PARVB: variants seen among roughly 807,000 people sequenced by gnomAD.
PARVB encodes the protein parvin beta.
A neutral mutation model predicts 47.0 loss-of-function variants in PARVB; 46 were observed. That is an observed-to-expected ratio of 0.98 (90% CI 0.77 to 1.25). PARVB has a LOEUF of 1.25. Ranked by LOEUF, PARVB falls within the 50% of genes most tolerant of loss-of-function variation. The probability of loss-of-function intolerance (pLI) is 0.00; values close to 1 mark genes in which losing one functional copy is unlikely to be tolerated. For missense variants in PARVB, 473 were observed against 471.6 expected (o/e 1.00, Z -0.03); for synonymous variants, 196 against 196.3 (o/e 1.00, Z 0.01).
chr22:44,101,358 C>T (rs1460025278), intron 3 of PARVB, among the ~76,000 whole-genome samples: 6 of 151,052 alleles, frequency 4.0e-5, no homozygotes, highest in East Asian at 1.9e-4. Context: ...TGCAGTGAGC[C>T]GAGATCGCGC....
At chr22:44,122,477 C>A (rs1043373753) in intron 4 of PARVB, among the ~76,000 whole-genome samples, 1 of 132,908 alleles carries the variant, frequency 7.5e-6, no homozygotes, top group Non-Finnish European at 1.6e-5. Context: ...CAGAGTGAGA[C>A]CCTGTCGATC....
At position 44,125,558 on chromosome 22, in the gene PARVB, C is replaced by T. The variant is rs67317032; in HGVS notation, c.377-5929C>T. On this transcript the variant is annotated intron_variant, in intron 4 of 12. Transcript: ENST00000338758. The surrounding 1 kb of genome is among the most constrained non-coding windows in gnomAD (Gnocchi z 4.1). ...GTCTGCACAGTGAGCTTGGGAAGGG[C>T]GTTCTGGGCTGAGGCTCTAAAGCGA... Among the ~76,000 whole-genome samples the T allele has an allele frequency of 0.23, 35,466 of 152,026 alleles. 4,442 individuals carry two copies. The highest frequency in any genetic ancestry group is 0.41 in the East Asian group (2,116 of 5,150).
chr22:44,072,296 G>A (rs752446448), intron 1 of PARVB, among the ~76,000 whole-genome samples: 7 of 152,096 alleles, frequency 4.6e-5, no homozygotes, highest in Admixed American at 6.6e-5. Context: ...CTGAGTCCCC[G>A]AGTCTCTGTC....
intron 7 of PARVB, among the ~76,000 whole-genome samples, chr22:44,136,800 C>A (rs2053451071): frequency 6.6e-6 from 1 of 152,210 alleles, no homozygotes. Context: ...CAAAGTGGGG[C>A]AGGCAGAGAG....
chr22:44,072,103 A>G (rs2051667952), intron 1 of PARVB, among the ~76,000 whole-genome samples: 1 of 152,160 alleles, frequency 6.6e-6, no homozygotes, highest in Admixed American at 6.5e-5. Context: ...TTTGTAATTG[A>G]ACGGAGTCAG....
intron 3 of PARVB, among the ~76,000 whole-genome samples, chr22:44,118,806 T>A (rs2052972841): frequency 6.6e-6 from 1 of 151,864 alleles, no homozygotes; most frequent in Non-Finnish European, 1.5e-5. Flanking sequence ...TTGCTCTGGT[T>A]CTGGCGGCTG....
At chr22:44,144,896 A>T (rs920581355) in intron 8 of PARVB, 5 of 151,972 alleles carry the variant, frequency 3.3e-5, no homozygotes, top group African/African-American at 1.2e-4. Flanking sequence ...ATTCCTGCAG[A>T]TTGAGCTTGG....
chr22:44,098,921 C>T (rs186780066), intron 2 of PARVB, among the ~76,000 whole-genome samples: 6 of 152,224 alleles, frequency 3.9e-5, no homozygotes, highest in Admixed American at 1.3e-4. Context: ...GCAATCCTCC[C>T]GCCTCAGCCT....
Position 44,073,665 on chromosome 22 carries a change from C to G in PARVB, c.113-20263C>G, listed in dbSNP as rs934071193. Among the ~76,000 whole-genome samples, 18 of 152,166 alleles carry G rather than the reference C, an allele frequency of 1.2e-4. 1 individual carries two copies. In the South Asian group the frequency reaches 1.9e-3, roughly 16 times the overall value. On this transcript the variant is annotated intron_variant, in intron 1 of 12. Transcript: ENST00000338758. ...TGAGGAGGTGGGGCCCGCTTGCCCC[C>G]CTTTGAATTTTGGGTTGTGCTTGAG... is the stretch of plus-strand genomic sequence containing the variant.
chr22:44,094,128 G>T (rs1398624125), intron 2 of PARVB, 111 bp downstream of exon 2: 6 of 577,902 alleles, frequency 1.0e-5, no homozygotes, highest in Non-Finnish European at 3.0e-6. Flanking sequence ...TTGATCAGAT[G>T]CTGGGGGCAT....
In PARVB at chr22:43,999,572, G is replaced by A. The variant is rs201332415; in HGVS notation, c.110G>A (p.Trp37Ter). 7.2e-5 allele frequency: 116 copies of A among 1,610,718 alleles called. No homozygotes were observed. The highest frequency in any genetic ancestry group is 9.0e-5 in the Non-Finnish European group (106 of 1,176,986). ...CTGAGACGTGGGTGTTCCTGCAGCT[G>A]GGGCCTGTGCTCCCAGGCACTCATG... Residue 37 changes from tryptophan (W) to a stop codon, truncating the protein, a stop_gained, in exon 2 of 14, where the codon TGG becomes TAG. Coordinates refer to the PARVB transcript ENST00000406477. LOFTEE classifies it high-confidence loss of function.
chr22:44,080,233 A>G (rs1387624916), intron 1 of PARVB, among the ~76,000 whole-genome samples: 2 of 152,208 alleles, frequency 1.3e-5, no homozygotes, highest in Non-Finnish European at 1.5e-5. Flanking sequence ...CTGTTAATTT[A>G]CTTAGGGCTG....
chr22:44,132,212 T>C (rs1049658261), intron 5 of PARVB, among the ~76,000 whole-genome samples: 4 of 152,120 alleles, frequency 2.6e-5, no homozygotes, highest in African/African-American at 9.7e-5. Flanking sequence ...TGAGCTGGGC[T>C]CTCAGTGGTA....
At chr22:44,137,970 C>T (rs1601664113) in intron 7 of PARVB, among the ~76,000 whole-genome samples, 2 of 152,244 alleles carry the variant, frequency 1.3e-5, no homozygotes, top group South Asian at 2.1e-4. Flanking sequence ...TAGGAGTTCC[C>T]CTCTAGGTGA....
intron 3 of PARVB, chr22:44,106,574 A>G (rs951569947): frequency 1.3e-5 from 2 of 152,086 alleles, no homozygotes; most frequent in African/African-American, 2.4e-5. Context: ...TGGTGTGGCC[A>G]TTGCTTGTAG....
chr22:44,045,318 ATGACTCAT>A (rs1158133928), intron 1 of PARVB, among the ~76,000 whole-genome samples: 1 of 152,244 alleles, frequency 6.6e-6, no homozygotes, highest in African/African-American at 2.4e-5. Flanking sequence ...AATGGATTTT[ATGACTCAT>A]TGAGTCAAAA....
intron 3 of PARVB, chr22:44,113,283 C>G (rs745654020): frequency 0.32 from 6,758 of 20,852 alleles, 34 homozygotes; most frequent in Middle Eastern, 0.41. Flanking sequence ...TTGTTACTAA[C>G]TAAGGCCCTG....
intron 2 of PARVB, among the ~76,000 whole-genome samples, chr22:44,009,696 C>T (rs1210356213): frequency 6.6e-6 from 1 of 150,638 alleles, no homozygotes; most frequent in African/African-American, 2.4e-5. Flanking sequence ...ATATATAAAC[C>T]ATTATTTAAC....
intron 11 of PARVB, among the ~76,000 whole-genome samples, chr22:44,159,249 G>GGA (rs2054001694): frequency 6.6e-6 from 1 of 152,302 alleles, no homozygotes; most frequent in East Asian, 1.9e-4. Flanking sequence ...ACATTGTTTT[G>GGA]GAGAGATCTT....
Sources: allele counts gnomAD v4.1 joint callset (sites outside exome capture counted in the v4.1 genomes callset), GRCh38; gene constraint gnomAD v4.1.1; non-coding constraint Gnocchi (gnomAD v3.1); transcripts MANE v1.5; gene names NCBI Gene and HGNC (gene_info 2026-07-23, HGNC 2026-07-21).